LRRC7: variants seen among roughly 807,000 people sequenced by gnomAD.
The protein encoded by LRRC7 is leucine-rich repeat-containing protein 7.
LRRC7 carries 23 observed loss-of-function variants against 175.7 expected under a neutral mutation model. The observed-to-expected ratio is 0.13, with a 90% CI of 0.09 to 0.19. LRRC7 has a LOEUF of 0.19. LRRC7 is among the 10% of genes least tolerant of loss of function. The pLI, the probability that LRRC7 is intolerant of heterozygous loss-of-function variation, is 1.00. For synonymous variants in LRRC7, 685 were observed against 680.9 expected, an observed-to-expected ratio of 1.01 and a Z score of -0.09; for missense variants, 1,354 against 1,904.7, an observed-to-expected ratio of 0.71 and a Z score of 5.38.
intron 1 of LRRC7, among the ~76,000 whole-genome samples, chr1:69,628,016 T>G (rs1651878562): frequency 6.6e-6 from 1 of 152,124 alleles, no homozygotes; most frequent in Non-Finnish European, 1.5e-5. Context: ...AGGCATTGTC[T>G]TCTCAAAATT....
intron 25 of LRRC7, among the ~76,000 whole-genome samples, chr1:70,090,945 C>T (rs141764843): frequency 2.4e-4 from 37 of 152,098 alleles, no homozygotes; most frequent in Middle Eastern, 3.4e-3. Flanking sequence ...TCTTCCTTTC[C>T]GTTTTGGGGA....
chr1:69,709,840 G>A lies in LRRC7; in HGVS notation c.100+31362G>A, dbSNP rs188208703. On this transcript the variant is annotated intron_variant, in intron 2 of 26. Coordinates refer to ENST00000651989, the MANE Select transcript of LRRC7 (RefSeq NM_001370785.2). ...ATTGATTTATGCAACTATGTGTGTG[G>A]ATATAGGAAGCAAGATTTTTTAAGT... Among the ~76,000 whole-genome samples the A allele has an allele frequency of 2.6e-5, 4 of 152,230 alleles. No homozygotes were observed. In the South Asian group the frequency reaches 6.2e-4, roughly 24 times the overall value.
At chr1:69,630,389 AGTTAAGT>A (rs1424226513) in intron 1 of LRRC7, among the ~76,000 whole-genome samples, 1 of 152,130 alleles carries the variant, frequency 6.6e-6, no homozygotes, top group African/African-American at 2.4e-5. Flanking sequence ...ATAGGTTGAG[AGTTAAGT>A]GTTTAAAGGC....
At chr1:69,643,414 G>T (rs769818791) in intron 1 of LRRC7, among the ~76,000 whole-genome samples, 26 of 152,146 alleles carry the variant, frequency 1.7e-4, no homozygotes, top group Non-Finnish European at 3.1e-4. Flanking sequence ...GCAGAACCTG[G>T]CCAACTGCCA....
chr1:70,060,323 C>G (rs1443197800), intron 23 of LRRC7, among the ~76,000 whole-genome samples: 1 of 150,848 alleles, frequency 6.6e-6, no homozygotes, highest in Admixed American at 6.6e-5. Context: ...AAACTCCAAC[C>G]CCACCCCCCC....
At chr1:70,078,173 T>C (rs1662923317) in intron 24 of LRRC7, among the ~76,000 whole-genome samples, 1 of 152,232 alleles carries the variant, frequency 6.6e-6, no homozygotes, top group Non-Finnish European at 1.5e-5. Context: ...TGACAAAATA[T>C]CACATGCACC....
At chr1:69,678,606 T>C (rs769898726) in intron 2 of LRRC7, 128 bp downstream of exon 2, 172 of 652,904 alleles carry the variant, frequency 2.6e-4, no homozygotes, top group Non-Finnish European at 3.9e-4. Context: ...GTTGGTCTTT[T>C]AAAATAAGTT....
In LRRC7 at chr1:70,129,461, T is replaced by C. The variant is rs1208364789; in HGVS notation, c.*7574T>C. On this transcript the variant is annotated 3_prime_UTR_variant, in exon 27 of 27. Transcript: ENST00000651989. Reference sequence around the variant, plus strand: ...AAATGAAGAAAGGTGTTCCTCAACTTGGTCCAGCACTGAGTCTGTATGCCC... The same window carrying C: ...AAATGAAGAAAGGTGTTCCTCAACTCGGTCCAGCACTGAGTCTGTATGCCC... Among the ~76,000 whole-genome samples, 2 of 152,160 alleles carry C rather than the reference T, an allele frequency of 1.3e-5. No homozygotes were observed. The highest frequency in any genetic ancestry group is 2.4e-5 in the African/African-American group (1 of 41,426).
At chr1:69,750,061 A>AAAATAAATAAATAAATAAATAAATAAAT (rs368323946) in intron 2 of LRRC7, among the ~76,000 whole-genome samples, 4 of 139,128 alleles carry the variant, frequency 2.9e-5, no homozygotes, top group Middle Eastern at 3.4e-3. Flanking sequence ...CTATGTCTCA[A>AAAATAAATAAATAAATAAATAAATAAAT]AAATAAATAA....
intron 2 of LRRC7, among the ~76,000 whole-genome samples, chr1:69,688,543 A>T (rs1427336413): frequency 6.6e-6 from 1 of 152,086 alleles, no homozygotes; most frequent in African/African-American, 2.4e-5. Flanking sequence ...TTGGGCTGGC[A>T]TCGATGTTCT....
At chr1:69,861,847 C>A (rs1684392183) in intron 7 of LRRC7, among the ~76,000 whole-genome samples, 1 of 152,150 alleles carries the variant, frequency 6.6e-6, no homozygotes, top group African/African-American at 2.4e-5. Context: ...GGTGTTCTTG[C>A]AGTTCAAACA....
intron 3 of LRRC7, among the ~76,000 whole-genome samples, chr1:69,765,842 G>A (rs1254196986): frequency 6.6e-6 from 1 of 151,982 alleles, no homozygotes; most frequent in Non-Finnish European, 1.5e-5. Flanking sequence ...AACCATCATA[G>A]TTACTTTCTT....
intron 24 of LRRC7, among the ~76,000 whole-genome samples, chr1:70,077,159 A>T (rs1203249112): frequency 2.0e-5 from 3 of 152,162 alleles, no homozygotes; most frequent in African/African-American, 7.2e-5. Flanking sequence ...ATCAAAATTA[A>T]CTTCATTCTC....
chr1:69,774,390 C>T (rs2100996078), intron 3 of LRRC7, among the ~76,000 whole-genome samples: 1 of 152,044 alleles, frequency 6.6e-6, no homozygotes, highest in South Asian at 2.1e-4. Flanking sequence ...AAAAATGAAG[C>T]AACTTCAGGA....
At chr1:70,115,339 T>C (rs1006034601) in intron 26 of LRRC7, among the ~76,000 whole-genome samples, 1 of 152,208 alleles carries the variant, frequency 6.6e-6, no homozygotes, top group Non-Finnish European at 1.5e-5. Flanking sequence ...GTTTTTGCAG[T>C]CTTTTGTGAT....
At chr1:69,981,460 A>G (rs1369108072) in intron 9 of LRRC7, among the ~76,000 whole-genome samples, 1 of 152,250 alleles carries the variant, frequency 6.6e-6, no homozygotes, top group Non-Finnish European at 1.5e-5. Flanking sequence ...TTTTACCATC[A>G]AAGACACAAA....
chr1:69,673,637 A>G (rs1292160224), intron 1 of LRRC7, among the ~76,000 whole-genome samples: 1 of 152,238 alleles, frequency 6.6e-6, no homozygotes, highest in Non-Finnish European at 1.5e-5. Context: ...TCAAGTAACC[A>G]GAAGTGTAAT....
Position 69,675,550 on chromosome 1 carries a change from G to T in LRRC7, c.3-2831G>T, listed in dbSNP as rs186802777. 2.2e-4 allele frequency among the ~76,000 whole-genome samples: 33 copies of T among 152,168 alleles called. 1 individual carries two copies. In the East Asian group the frequency reaches 5.8e-3, roughly 27 times the overall value. On this transcript the variant is annotated intron_variant, in intron 1 of 26. Transcript: ENST00000651989. The stretch of plus-strand genomic sequence containing the variant: ...TTTATGTAGACATTTGCATGTGCAG[G>T]TTCTGTTTGCTATAATTTACTATCT...
At chr1:69,608,864 CTCTATATATATATATA>C (rs1648192399) in intron 1 of LRRC7, among the ~76,000 whole-genome samples, 7 of 21,614 alleles carry the variant, frequency 3.2e-4, no homozygotes, top group African/African-American at 1.7e-3. Context: ...CTCTCTCTCT[CTCTATATATATATATA>C]TATATATATA....
Sources: allele counts gnomAD v4.1 joint callset (sites outside exome capture counted in the v4.1 genomes callset), GRCh38; gene constraint gnomAD v4.1.1; transcripts MANE v1.5; gene names NCBI Gene and HGNC (gene_info 2026-07-23, HGNC 2026-07-21).